The following CNOT10 variants were observed in gnomAD, a reference collection of about 807,000 sequenced individuals.
CNOT10 encodes CCR4-NOT transcription complex subunit 10, also known as CCR4-NOT transcription complex, subunit 10.
A neutral mutation model predicts 94.6 loss-of-function variants in CNOT10; 30 were observed. The observed-to-expected ratio is 0.32, with a 90% CI of 0.24 to 0.43. The LOEUF is 0.43. CNOT10 is among the 20% of genes least tolerant of loss of function. The pLI is 1.00. For synonymous variants in CNOT10, 289 were observed against 301.6 expected, an observed-to-expected ratio of 0.96 and a Z score of 0.43; for missense variants, 759 against 877.2, an observed-to-expected ratio of 0.87 and a Z score of 1.70.
At chr3:32,751,310 C>T (rs1699956992) in intron 13 of CNOT10, among the ~76,000 whole-genome samples, 2 of 151,722 alleles carry the variant, frequency 1.3e-5, no homozygotes, top group South Asian at 2.1e-4. Context: ...CTCACTGTAT[C>T]GCCCAGGCTG....
chr3:32,718,220 G>A (rs1265923128), intron 7 of CNOT10, among the ~76,000 whole-genome samples: 2 of 150,178 alleles, frequency 1.3e-5, no homozygotes, highest in Non-Finnish European at 3.0e-5. Context: ...CTGAGCCTAA[G>A]AGGGAAAGGC....
intron 8 of CNOT10, among the ~76,000 whole-genome samples, chr3:32,724,243 C>T (rs1230273912): frequency 6.3e-5 from 8 of 126,798 alleles, no homozygotes; most frequent in Non-Finnish European, 6.4e-5. Context: ...TGTTCTGTTC[C>T]TTTTTTTTTT....
intron 1 of CNOT10, among the ~76,000 whole-genome samples, chr3:32,703,457 G>T (rs1326285294): frequency 6.6e-6 from 1 of 152,106 alleles, no homozygotes; most frequent in African/African-American, 2.4e-5. Flanking sequence ...CACAGTAAGA[G>T]ATTAACAACA....
chr3:32,695,681 G>A (rs922559981), intron 1 of CNOT10: 225 of 1,535,848 alleles, frequency 1.5e-4, no homozygotes, highest in Non-Finnish European at 1.9e-4. Context: ...AGCTCTGTAC[G>A]CATAGAAGGT....
At chr3:32,765,033 A>T (rs1156666903) in intron 17 of CNOT10, 1 of 1,438,910 alleles carries the variant, frequency 6.9e-7, no homozygotes. Context: ...ATTTTAAAAA[A>T]AATTTTTTTT....
At position 32,720,284 on chromosome 3, in the gene CNOT10, T is replaced by G. The variant is rs1418361441; in HGVS notation, c.862+53T>G. 9.9e-6 allele frequency: 8 copies of G among 811,000 alleles called. No homozygotes were observed. In the South Asian group the frequency reaches 1.2e-4, roughly 12 times the overall value. The allele number at this position is 811,000 out of a possible 1,614,324, so 50.2% of individuals were successfully genotyped here. On this transcript the variant is annotated intron_variant, in intron 8 of 18. Coordinates refer to ENST00000328834, the MANE Select transcript of CNOT10 (RefSeq NM_015442.3). Reference sequence around the variant, plus strand: ...TTTTTTTGCCTTGCTCTTCTACCCCTTCTTGCTTGTCCACCTCCCAACACC... The same window carrying G: ...TTTTTTTGCCTTGCTCTTCTACCCCGTCTTGCTTGTCCACCTCCCAACACC...
chr3:32,687,439 G>GTTTTTTGTTTTGTTTTTT (rs1696653694), intron 1 of CNOT10, among the ~76,000 whole-genome samples: 1 of 51,320 alleles, frequency 1.9e-5, no homozygotes, highest in Non-Finnish European at 3.4e-5. Context: ...AGTCCTCACG[G>GTTTTTTGTTTTGTTTTTT]TTTTTTTTTT....
intron 10 of CNOT10, among the ~76,000 whole-genome samples, chr3:32,729,684 A>G (rs1238566863): frequency 6.6e-6 from 1 of 151,440 alleles, no homozygotes; most frequent in Non-Finnish European, 1.5e-5. Context: ...ATTTAATTAT[A>G]CTTTGCTTTT....
chr3:32,735,028 A>G, intron 12 of CNOT10, 52 bp downstream of exon 12: 1 of 1,465,224 alleles, frequency 6.8e-7, no homozygotes, highest in Non-Finnish European at 9.4e-7. Context: ...GGACTTCTTT[A>G]GTAAACCCTT....
chr3:32,713,097 A>G (rs1016578454), intron 4 of CNOT10, 130 bp from the exon 5 acceptor site: 2 of 653,252 alleles, frequency 3.1e-6, no homozygotes, highest in Non-Finnish European at 5.0e-6. Context: ...GCTCTAGGTG[A>G]TAGGCATTCA....
chr3:32,735,304 C>A (rs185275157), intron 12 of CNOT10, among the ~76,000 whole-genome samples: 87 of 150,298 alleles, frequency 5.8e-4, no homozygotes, highest in Non-Finnish European at 1.1e-3. Flanking sequence ...GAGATTGTGC[C>A]ACTGCACTCC....
intron 14 of CNOT10, 88 bp from the exon 15 acceptor site, chr3:32,762,645 T>C (rs1559517982): frequency 7.5e-7 from 1 of 1,339,912 alleles, no homozygotes; most frequent in African/African-American, 1.5e-5. Flanking sequence ...ATCCAATGTA[T>C]AATAACATAA....
At chr3:32,737,650 C>G (rs906990525) in intron 13 of CNOT10, among the ~76,000 whole-genome samples, 160 bp downstream of exon 13, 5 of 152,008 alleles carry the variant, frequency 3.3e-5, no homozygotes, top group African/African-American at 1.2e-4. Context: ...TAGTGAAACC[C>G]TGTCTGTACT....
intron 13 of CNOT10, among the ~76,000 whole-genome samples, chr3:32,740,583 C>T (rs1288578404): frequency 1.3e-5 from 2 of 151,808 alleles, no homozygotes; most frequent in African/African-American, 4.8e-5. Context: ...AATTTTGTGG[C>T]TGGGCGCGGT....
intron 12 of CNOT10, 93 bp downstream of exon 12, chr3:32,735,069 A>G: frequency 9.3e-7 from 1 of 1,079,464 alleles, no homozygotes; most frequent in African/African-American, 1.6e-5. Flanking sequence ...AAAATCTTCA[A>G]CCTGAATTTC....
At chr3:32,731,819 C>T (rs1698968588) in intron 10 of CNOT10, among the ~76,000 whole-genome samples, 1 of 152,058 alleles carries the variant, frequency 6.6e-6, no homozygotes, top group South Asian at 2.1e-4. Context: ...TGGTTCATGC[C>T]TGTATTCCCA....
chr3:32,696,878 C>G (rs1314925856), intron 1 of CNOT10, among the ~76,000 whole-genome samples: 1 of 151,840 alleles, frequency 6.6e-6, no homozygotes, highest in South Asian at 2.1e-4. Flanking sequence ...GTGTCCAGCC[C>G]AGCTTATATA....
At chr3:32,760,105 C>T (rs570131672) in intron 14 of CNOT10, among the ~76,000 whole-genome samples, 152 of 97,468 alleles carry the variant, frequency 1.6e-3, no homozygotes, top group Non-Finnish European at 2.3e-3. Flanking sequence ...TCGCTTGAAC[C>T]CAGGAGTCAG....
At chr3:32,754,489 A>AAAAAAAATATAT (rs77878221) in intron 13 of CNOT10, among the ~76,000 whole-genome samples, 11 of 70,220 alleles carry the variant, frequency 1.6e-4, no homozygotes, top group East Asian at 6.2e-4. Flanking sequence ...AAAAAAAAAA[A>AAAAAAAATATAT]ATACATATAT....
Sources: allele counts gnomAD v4.1 joint callset (sites outside exome capture counted in the v4.1 genomes callset), GRCh38; gene constraint gnomAD v4.1.1; transcripts MANE v1.5; gene names NCBI Gene and HGNC (gene_info 2026-07-23, HGNC 2026-07-21).